RNF212B: variants seen among roughly 807,000 people sequenced by gnomAD.
RNF212B encodes E3 ubiquitin-protein ligase RNF212B.
A neutral mutation model predicts 55.5 loss-of-function variants in RNF212B; 52 were observed. That is an observed-to-expected ratio of 0.94 (90% CI 0.75 to 1.18). The LOEUF is 1.18. Ranked by LOEUF, RNF212B falls within the 50% of genes most tolerant of loss-of-function variation. The pLI, the probability that RNF212B is intolerant of heterozygous loss-of-function variation, is 0.00. For missense variants in RNF212B, 289 were observed against 350.4 expected (o/e 0.82, Z 1.40); for synonymous variants, 99 against 121.4 (o/e 0.82, Z 1.21).
chr14:23,220,822 C>A (rs959357375), intron 2 of RNF212B, among the ~76,000 whole-genome samples: 4 of 150,030 alleles, frequency 2.7e-5, no homozygotes, highest in Non-Finnish European at 4.4e-5. Flanking sequence ...AAGACTCCAT[C>A]AAAAAAAACA....
chr14:23,218,193 C>T (rs1881264273), intron 2 of RNF212B, among the ~76,000 whole-genome samples: 1 of 147,956 alleles, frequency 6.8e-6, no homozygotes, highest in East Asian at 2.0e-4. Flanking sequence ...ACGGTGAAAC[C>T]CCGTCTCTAC....
At chr14:23,260,622 T>C (rs1375947958) in intron 6 of RNF212B, 37 bp from the exon 7 acceptor site, 2 of 1,546,202 alleles carry the variant, frequency 1.3e-6, no homozygotes, top group African/African-American at 2.7e-5. Flanking sequence ...GGATCCTCAG[T>C]TGCAGCTTTC....
intron 2 of RNF212B, among the ~76,000 whole-genome samples, chr14:23,219,518 C>G (rs947538351): frequency 3.3e-5 from 5 of 151,254 alleles, no homozygotes; most frequent in African/African-American, 4.9e-5. Flanking sequence ...GTCGCGCAGA[C>G]TGGAGTGCAG....
intron 2 of RNF212B, among the ~76,000 whole-genome samples, chr14:23,196,696 C>G (rs1878747808): frequency 6.6e-6 from 1 of 152,196 alleles, no homozygotes; most frequent in Non-Finnish European, 1.5e-5. Context: ...CCTGCCTAGG[C>G]CTCCTAAAGT....
chr14:23,264,354 A>G (rs1885523128), intron 10 of RNF212B, 120 bp downstream of exon 10: 1 of 858,270 alleles, frequency 1.2e-6, no homozygotes, highest in Admixed American at 2.6e-5. Flanking sequence ...GTCATACTGG[A>G]CCCTATTTTC....
At chr14:23,254,818 T>C (rs948769306) in intron 4 of RNF212B, among the ~76,000 whole-genome samples, 4 of 152,218 alleles carry the variant, frequency 2.6e-5, no homozygotes, top group African/African-American at 9.6e-5. Flanking sequence ...TCTCTCAGTA[T>C]TTTTCAGTTA....
intron 1 of RNF212B, among the ~76,000 whole-genome samples, chr14:23,186,751 G>A (rs767276464): frequency 2.6e-5 from 4 of 152,134 alleles, no homozygotes; most frequent in Non-Finnish European, 5.9e-5. Flanking sequence ...TTGGGCAGAC[G>A]AGGCAGTTAT....
chr14:23,230,646 T>A, intron 2 of RNF212B, among the ~76,000 whole-genome samples: 1 of 86,472 alleles, frequency 1.2e-5, no homozygotes, highest in Non-Finnish European at 1.9e-5. Context: ...AGAGCGAGAC[T>A]CCATCTCAAA....
At chr14:23,260,801 A>G in intron 7 of RNF212B, 114 bp downstream of exon 7, 1 of 978,534 alleles carries the variant, frequency 1.0e-6, no homozygotes, top group African/African-American at 1.6e-5. Context: ...TTTAGCTTTC[A>G]CTTCTCCGAG....
chr14:23,207,836 A>C (rs938427486), intron 2 of RNF212B, among the ~76,000 whole-genome samples: 1 of 152,210 alleles, frequency 6.6e-6, no homozygotes, highest in Non-Finnish European at 1.5e-5. Flanking sequence ...TTTTAGGAAG[A>C]CATGAGACAT....
intron 2 of RNF212B, among the ~76,000 whole-genome samples, chr14:23,220,826 A>AAAAAC (rs1358358351): frequency 6.6e-6 from 1 of 152,136 alleles, no homozygotes; most frequent in African/African-American, 2.4e-5. Flanking sequence ...CTCCATCAAA[A>AAAAAC]AAAACAAAAC....
intron 2 of RNF212B, among the ~76,000 whole-genome samples, chr14:23,209,496 A>G (rs918864740): frequency 6.6e-6 from 1 of 152,228 alleles, no homozygotes; most frequent in Non-Finnish European, 1.5e-5. Context: ...AATATTAGAT[A>G]TCCAATGTAT....
At chr14:23,187,079 T>A (rs1367681007) in intron 1 of RNF212B, among the ~76,000 whole-genome samples, 1 of 152,156 alleles carries the variant, frequency 6.6e-6, no homozygotes, top group Non-Finnish European at 1.5e-5. Context: ...AGTGTGGCCA[T>A]ATCCCAAGTA....
At position 23,258,516 on chromosome 14, in the gene RNF212B, A is replaced by G. The variant is rs1294765172; in HGVS notation, c.229-33A>G. 5.8e-6 allele frequency: 6 copies of G among 1,031,990 alleles called. No homozygotes were observed. The African/African-American group carries it at 9.8e-5, about 17-fold the overall frequency. 63.9% of individuals were successfully genotyped at this position (1,031,990 alleles called of 1,614,324 possible). ...GAAGTGAAGGGAAAGGAGTTATGGGAGAGTATGTCAAAGGCTTGTTTTTCC... is the reference window on the plus strand; with the variant it reads ...GAAGTGAAGGGAAAGGAGTTATGGGGGAGTATGTCAAAGGCTTGTTTTTCC... On this transcript the variant is annotated intron_variant, in intron 4 of 14. Transcript: ENST00000430154.
At chr14:23,245,536 A>G (rs1883920849) in intron 4 of RNF212B, among the ~76,000 whole-genome samples, 1 of 152,192 alleles carries the variant, frequency 6.6e-6, no homozygotes. Context: ...ATCAAGATAA[A>G]AGAAATGGAA....
intron 9 of RNF212B, among the ~76,000 whole-genome samples, chr14:23,263,874 G>A (rs1885486521): frequency 6.6e-6 from 1 of 152,120 alleles, no homozygotes; most frequent in African/African-American, 2.4e-5. Context: ...GATCATTTGA[G>A]GTCAGGAGTT....
chr14:23,265,395 T>C (rs1885615819), intron 11 of RNF212B, among the ~76,000 whole-genome samples: 1 of 152,218 alleles, frequency 6.6e-6, no homozygotes, highest in African/African-American at 2.4e-5. Flanking sequence ...ATATTTTGGG[T>C]CTGCTTACTT....
At chr14:23,197,717 C>T (rs2140363591) in intron 2 of RNF212B, among the ~76,000 whole-genome samples, 1 of 151,778 alleles carries the variant, frequency 6.6e-6, no homozygotes, top group East Asian at 1.9e-4. Context: ...CCAGATTCTA[C>T]AATTATCAAG....
At chr14:23,259,720 C>T (rs1056518372) in intron 5 of RNF212B, among the ~76,000 whole-genome samples, 164 bp from the exon 6 acceptor site, 1 of 152,034 alleles carries the variant, frequency 6.6e-6, no homozygotes, top group Non-Finnish European at 1.5e-5. Context: ...TATCAAAACC[C>T]TGCCATTAGT....
Sources: allele counts gnomAD v4.1 joint callset (sites outside exome capture counted in the v4.1 genomes callset), GRCh38; gene constraint gnomAD v4.1.1; transcripts MANE v1.5; gene names NCBI Gene and HGNC (gene_info 2026-07-23, HGNC 2026-07-21).